The following NRXN3 variants were observed in gnomAD, a reference collection of about 807,000 sequenced individuals.
The protein encoded by NRXN3 is neurexin 3, also known as neurexin III.
In NRXN3, 32 loss-of-function variants were observed where a neutral mutation model predicts 137.6. That is an observed-to-expected ratio of 0.23 (90% CI 0.18 to 0.31). The LOEUF is 0.31. NRXN3 is among the 10% of genes least tolerant of loss of function. The pLI, the probability that NRXN3 is intolerant of heterozygous loss-of-function variation, is 1.00. For missense variants in NRXN3, 1,574 were observed against 2,062.5 expected (o/e 0.76, Z 4.59); for synonymous variants, 798 against 784.5 (o/e 1.02, Z -0.29).
chr14:79,700,621 C>T (rs2098751174), intron 19 of NRXN3, among the ~76,000 whole-genome samples: 1 of 152,028 alleles, frequency 6.6e-6, no homozygotes, highest in Admixed American at 6.6e-5. Context: ...CCTGGTCAAC[C>T]TGAGGTAGTG....
At chr14:78,336,736 G>A (rs1438014804) in intron 4 of NRXN3, among the ~76,000 whole-genome samples, 1 of 152,112 alleles carries the variant, frequency 6.6e-6, no homozygotes. Flanking sequence ...CTCCCAGCAT[G>A]TTCAAAGGGT....
At chr14:78,399,023 T>A (rs1029458675) in intron 4 of NRXN3, among the ~76,000 whole-genome samples, 33 of 152,234 alleles carry the variant, frequency 2.2e-4, no homozygotes, top group Non-Finnish European at 4.4e-5. Flanking sequence ...GAAATTGCTT[T>A]GTGAAAGTTT....
At chr14:79,841,738 G>A (rs1452003600) in intron 20 of NRXN3, among the ~76,000 whole-genome samples, 1 of 152,148 alleles carries the variant, frequency 6.6e-6, no homozygotes, top group Non-Finnish European at 1.5e-5. Flanking sequence ...CTACACAACT[G>A]CAAAAGGAAA....
intron 15 of NRXN3, among the ~76,000 whole-genome samples, chr14:78,995,169 G>C (rs1338172430): frequency 6.6e-6 from 1 of 152,118 alleles, no homozygotes; most frequent in Admixed American, 6.5e-5. Context: ...AACTGGGAAA[G>C]GGAAATTGTG....
In NRXN3 at chr14:79,790,945, G is replaced by A. The variant is rs149473378; in HGVS notation, c.4015-14167G>A. The stretch of plus-strand genomic sequence containing the variant: ...ATTACAGGCATGAGCCACCTCACCC[G>A]GTCCAGCTCAGACTCTTTTAAACAA... On this transcript the variant is annotated intron_variant, in intron 19 of 20. Transcript: ENST00000335750. 1.4e-3 allele frequency among the ~76,000 whole-genome samples: 213 copies of A among 152,086 alleles called. 2 individuals are homozygous for A. Among genetic ancestry groups the A allele is most frequent in the Middle Eastern group, 3.4e-3 (1 of 294 alleles).
At chr14:78,543,893 T>C (rs1242118008) in intron 4 of NRXN3, among the ~76,000 whole-genome samples, 1 of 152,048 alleles carries the variant, frequency 6.6e-6, no homozygotes, top group African/African-American at 2.4e-5. Flanking sequence ...TTTTCTATCA[T>C]ACAGAATATT....
At chr14:79,405,353 G>A (rs2153502270) in intron 15 of NRXN3, among the ~76,000 whole-genome samples, 1 of 152,248 alleles carries the variant, frequency 6.6e-6, no homozygotes, top group East Asian at 1.9e-4. Flanking sequence ...CTAACTGTGT[G>A]CACTGGGAGA....
At chr14:78,672,221 G>A (rs2097943412) in intron 6 of NRXN3, among the ~76,000 whole-genome samples, 1 of 152,202 alleles carries the variant, frequency 6.6e-6, no homozygotes, top group Non-Finnish European at 1.5e-5. Flanking sequence ...TCCATCTAAT[G>A]TTTCTGCCTA....
rs140507388 is a variant in NRXN3 at position 79,073,178 on chromosome 14, C to T, written c.3262+85037C>T. 3.8e-3 allele frequency among the ~76,000 whole-genome samples: 584 copies of T among 152,194 alleles called. 6 individuals are homozygous for T. The highest frequency in any genetic ancestry group is 0.012 in the African/African-American group (515 of 41,522). On this transcript the variant is annotated intron_variant, in intron 15 of 20. Coordinates refer to ENST00000335750, the MANE Select transcript of NRXN3 (RefSeq NM_001330195.2). ...CTTGGATTACAGGCATGAGCCACCGCGCCCGGCCCGTCTCTAAGTTATTTT... is the reference window on the plus strand; with the variant it reads ...CTTGGATTACAGGCATGAGCCACCGTGCCCGGCCCGTCTCTAAGTTATTTT...
intron 15 of NRXN3, among the ~76,000 whole-genome samples, chr14:79,213,616 C>CT (rs200334361): frequency 0.02 from 2,984 of 147,930 alleles, 97 homozygotes; most frequent in African/African-American, 0.071. Flanking sequence ...TCCTCTCACC[C>CT]TTTTTTTTTG....
At chr14:79,361,402 C>G (rs1298413274) in intron 15 of NRXN3, among the ~76,000 whole-genome samples, 1 of 152,108 alleles carries the variant, frequency 6.6e-6, no homozygotes, top group Non-Finnish European at 1.5e-5. Flanking sequence ...CCTTCCTCTG[C>G]CCCTGACCAA....
chr14:79,268,371 T>C (rs1210214871), intron 15 of NRXN3, among the ~76,000 whole-genome samples: 1 of 152,242 alleles, frequency 6.6e-6, no homozygotes, highest in Non-Finnish European at 1.5e-5. Context: ...TTGGTTAACA[T>C]GTTTCAAGCA....
chr14:78,784,040 TAGA>T (rs1172161418), intron 8 of NRXN3, among the ~76,000 whole-genome samples: 1 of 126,404 alleles, frequency 7.9e-6, no homozygotes, highest in African/African-American at 3.0e-5. Flanking sequence ...GCTTACAGCC[TAGA>T]AGAAGTCAGA....
rs139799675 is a variant in NRXN3 at position 78,555,888 on chromosome 14, T to C, written c.758-89232T>C. Among the ~76,000 whole-genome samples the C allele has an allele frequency of 6.7e-3, 1,024 of 152,360 alleles. 11 individuals carry two copies. Among genetic ancestry groups the C allele is most frequent in the Middle Eastern group, 0.024 (7 of 294 alleles). On this transcript the variant is annotated intron_variant, in intron 4 of 20. Transcript: ENST00000335750. The stretch of plus-strand genomic sequence containing the variant: ...AGGTTAAGTTACCTCTTTATTCTTT[T>C]GTTTTTCAGATTCAAAGGTTGTCTT...
At chr14:78,886,822 T>A (rs1360801705) in intron 10 of NRXN3, among the ~76,000 whole-genome samples, 1 of 152,170 alleles carries the variant, frequency 6.6e-6, no homozygotes, top group Non-Finnish European at 1.5e-5. Flanking sequence ...ACAGAATTGC[T>A]GCCCCAATGG....
In NRXN3 at chr14:79,127,651, C is replaced by T. The variant is rs553549929; in HGVS notation, c.3262+139510C>T. On this transcript the variant is annotated intron_variant, in intron 15 of 20. Transcript: ENST00000335750. ...TTCTTTTGGCTTAGGATTGACTTGG[C>T]GATGCAGGCTCTTTTTTGGTTCCAT... Among the ~76,000 whole-genome samples, 549 of 152,028 alleles carry T rather than the reference C, an allele frequency of 3.6e-3. 2 individuals are homozygous for T. The highest frequency in any genetic ancestry group is 0.012 in the African/African-American group (511 of 41,468).
intron 15 of NRXN3, among the ~76,000 whole-genome samples, chr14:79,107,462 C>G (rs923939258): frequency 6.6e-6 from 1 of 152,108 alleles, no homozygotes; most frequent in Non-Finnish European, 1.5e-5. Flanking sequence ...GATATAATTC[C>G]AAAAGCTATG....
intron 9 of NRXN3, among the ~76,000 whole-genome samples, chr14:78,809,051 G>A (rs1021269826): frequency 1.3e-5 from 2 of 151,972 alleles, no homozygotes; most frequent in African/African-American, 4.8e-5. Context: ...AGGCTGAACC[G>A]GGCAGCTTGG....
chr14:79,135,841 T>C (rs187230742), intron 15 of NRXN3, among the ~76,000 whole-genome samples: 20 of 152,326 alleles, frequency 1.3e-4, no homozygotes, highest in Admixed American at 9.8e-4. Flanking sequence ...AGAGAAGGCA[T>C]GTCAGTTTTC....
Sources: gnomAD v4.1 joint callset for allele counts (sites outside exome capture counted in the v4.1 genomes callset) on GRCh38, gnomAD v4.1.1 for gene constraint, MANE v1.5 for transcripts, NCBI Gene and HGNC (gene_info 2026-07-23, HGNC 2026-07-21) for gene names.